The following CEP112 variants were observed in gnomAD, a reference collection of about 807,000 sequenced individuals.
CEP112 encodes centrosomal protein of 112 kDa.
In CEP112, 127 loss-of-function variants were observed where a neutral mutation model predicts 153.0. The observed-to-expected ratio is 0.83, with a 90% confidence interval of 0.72 to 0.96. The LOEUF (loss-of-function observed/expected upper bound fraction) is 0.96. CEP112 is among the 40% of genes least tolerant of loss of function. CEP112 has a pLI of 0.00. For synonymous variants in CEP112, 358 were observed against 374.4 expected (o/e 0.96, Z 0.51); for missense variants, 1,089 against 1,101.2 (o/e 0.99, Z 0.16).
At chr17:65,947,683 T>C (rs1032113510) in intron 18 of CEP112, among the ~76,000 whole-genome samples, 4 of 152,178 alleles carry the variant, frequency 2.6e-5, no homozygotes, top group Non-Finnish European at 5.9e-5. Context: ...CAAATACTTA[T>C]ACATATTCTT....
chr17:65,839,494 A>T (rs1198710902), intron 21 of CEP112, among the ~76,000 whole-genome samples: 3 of 151,924 alleles, frequency 2.0e-5, no homozygotes, highest in African/African-American at 7.2e-5. Flanking sequence ...CTCTCAATAA[A>T]CCGTGTATAG....
At chr17:66,104,738 G>A (rs2068710800) in intron 6 of CEP112, among the ~76,000 whole-genome samples, 1 of 152,074 alleles carries the variant, frequency 6.6e-6, no homozygotes, top group African/African-American at 2.4e-5. Flanking sequence ...ACTTCTCAGT[G>A]GAAATGTAAC....
chr17:65,850,239 C>T (rs995250472), intron 21 of CEP112, among the ~76,000 whole-genome samples: 5 of 151,572 alleles, frequency 3.3e-5, no homozygotes, highest in African/African-American at 4.9e-5. Context: ...TTTTATCCTG[C>T]TGTGAGGGAA....
At chr17:65,739,569 C>G (rs1488271001) in intron 23 of CEP112, among the ~76,000 whole-genome samples, 1 of 152,036 alleles carries the variant, frequency 6.6e-6, no homozygotes, top group African/African-American at 2.4e-5. Context: ...AACCCCATCT[C>G]TACTAAAAAT....
chr17:65,796,904 A>G (rs536295420), intron 21 of CEP112, among the ~76,000 whole-genome samples: 2 of 151,632 alleles, frequency 1.3e-5, no homozygotes, highest in East Asian at 1.9e-4. Flanking sequence ...AAGAAAAAAA[A>G]TTAGCTGGGC....
chr17:66,142,993 T>C (rs1333761006), intron 4 of CEP112, among the ~76,000 whole-genome samples: 1 of 152,252 alleles, frequency 6.6e-6, no homozygotes, highest in African/African-American at 2.4e-5. Context: ...ATCTTTCCAT[T>C]TATCTGTGTC....
chr17:65,998,452 ACT>A (rs2063881811), intron 17 of CEP112, among the ~76,000 whole-genome samples: 1 of 151,244 alleles, frequency 6.6e-6, no homozygotes, highest in Non-Finnish European at 1.5e-5. Flanking sequence ...AAAACACAGA[ACT>A]CTGTGAATTT....
intron 21 of CEP112, among the ~76,000 whole-genome samples, chr17:65,838,849 C>T (rs2057413995): frequency 6.6e-6 from 1 of 151,848 alleles, no homozygotes; most frequent in Non-Finnish European, 1.5e-5. Flanking sequence ...TACAAAGTAT[C>T]AGTAGAGTCT....
At chr17:66,001,319 T>C (rs552892315) in intron 17 of CEP112, among the ~76,000 whole-genome samples, 1 of 152,344 alleles carries the variant, frequency 6.6e-6, no homozygotes, top group East Asian at 1.9e-4. Flanking sequence ...ATTGTAAATT[T>C]AAGTTCCTTA....
chr17:66,144,769 A>G (rs1427867156), intron 4 of CEP112, among the ~76,000 whole-genome samples: 1 of 152,206 alleles, frequency 6.6e-6, no homozygotes, highest in Non-Finnish European at 1.5e-5. Context: ...TTGCTTTTCT[A>G]TTCATGTGTT....
chr17:66,059,090 T>C (rs920000468), intron 11 of CEP112, among the ~76,000 whole-genome samples: 23 of 152,204 alleles, frequency 1.5e-4, no homozygotes, highest in African/African-American at 4.8e-4. Flanking sequence ...TGGGATGAGA[T>C]AACTGGCTAG....
chr17:65,887,942 T>A lies in CEP112; in HGVS notation c.2163+14210A>T, dbSNP rs75774819. Among the ~76,000 whole-genome samples, 74 of 152,274 alleles carry A rather than the reference T, an allele frequency of 4.9e-4. No homozygotes were observed. In the East Asian group the frequency reaches 0.014, roughly 29 times the overall value. ...GGGGACAATTTCAAAGCAGGTAAAGTTTGCCTTAAGCGTCTTTCTACCCCC... is the reference window on the plus strand; with the variant it reads ...GGGGACAATTTCAAAGCAGGTAAAGATTGCCTTAAGCGTCTTTCTACCCCC... On this transcript the variant is annotated intron_variant, in intron 20 of 26. Coordinates refer to ENST00000535342, the MANE Select transcript of CEP112 (RefSeq NM_001199165.4).
intron 23 of CEP112, among the ~76,000 whole-genome samples, chr17:65,707,035 T>C (rs2048952702): frequency 6.6e-6 from 1 of 152,186 alleles, no homozygotes; most frequent in African/African-American, 2.4e-5. Flanking sequence ...CCCCTGTGGA[T>C]TCAATCTCTT....
intron 20 of CEP112, among the ~76,000 whole-genome samples, chr17:65,854,126 G>A (rs1188025371): frequency 6.6e-6 from 1 of 152,068 alleles, no homozygotes; most frequent in Non-Finnish European, 1.5e-5. Context: ...TTCATTTCAT[G>A]CCTAATGTAT....
chr17:65,789,800 T>G (rs2054491699), intron 21 of CEP112, among the ~76,000 whole-genome samples: 1 of 152,206 alleles, frequency 6.6e-6, no homozygotes, highest in South Asian at 2.1e-4. Flanking sequence ...ATTAAAATTA[T>G]CTATACAACT....
chr17:66,060,826 A>G (rs922847210), intron 11 of CEP112, among the ~76,000 whole-genome samples: 1 of 151,944 alleles, frequency 6.6e-6, no homozygotes. Context: ...ATAGAGGAAA[A>G]GCTCCATGAC....
chr17:65,825,508 A>G (rs549054179), intron 21 of CEP112, among the ~76,000 whole-genome samples: 1 of 152,218 alleles, frequency 6.6e-6, no homozygotes, highest in South Asian at 2.1e-4. Flanking sequence ...TACATACAGG[A>G]AGTAAATGAT....
intron 4 of CEP112, among the ~76,000 whole-genome samples, chr17:66,141,584 C>G (rs549685201): frequency 6.6e-6 from 1 of 152,166 alleles, no homozygotes; most frequent in East Asian, 1.9e-4. Flanking sequence ...TCTGTAAGCC[C>G]CTGGCAGCTA....
At chr17:65,854,251 A>G (rs2058057677) in intron 20 of CEP112, among the ~76,000 whole-genome samples, 1 of 152,220 alleles carries the variant, frequency 6.6e-6, no homozygotes. Context: ...ACAAAGCTAA[A>G]TGATGAGAAG....
Sources: allele counts gnomAD v4.1 joint callset (sites outside exome capture counted in the v4.1 genomes callset), GRCh38; gene constraint gnomAD v4.1.1; transcripts MANE v1.5; gene names NCBI Gene and HGNC (gene_info 2026-07-23, HGNC 2026-07-21).